The following PDZD8 variants were observed in gnomAD, a reference collection of about 807,000 sequenced individuals.
PDZD8 encodes the protein PDZ domain containing 8.
A neutral mutation model predicts 85.8 loss-of-function variants in PDZD8; 14 were observed. That is an observed-to-expected ratio of 0.16 (90% CI 0.11 to 0.26). The LOEUF (loss-of-function observed/expected upper bound fraction) is 0.26. PDZD8 is among the 10% of genes least tolerant of loss of function. The pLI, the probability that PDZD8 is intolerant of heterozygous loss-of-function variation, is 1.00. For missense variants in PDZD8, 1,197 were observed against 1,424.3 expected (o/e 0.84, Z 2.57); for synonymous variants, 592 against 568.6 (o/e 1.04, Z -0.59).
intron 2 of PDZD8, among the ~76,000 whole-genome samples, chr10:117,332,665 C>T (rs774093800): frequency 6.6e-6 from 1 of 151,706 alleles, no homozygotes; most frequent in Non-Finnish European, 1.5e-5. Flanking sequence ...TGCCACCACG[C>T]CTGGCTAAGT....
chr10:117,365,894 CAG>C (rs959344993), intron 1 of PDZD8, among the ~76,000 whole-genome samples: 1 of 152,248 alleles, frequency 6.6e-6, no homozygotes, highest in East Asian at 1.9e-4. Context: ...TCTGAGAAAA[CAG>C]AGAATATCAT....
chr10:117,362,356 A>G (rs1477785472), intron 1 of PDZD8, among the ~76,000 whole-genome samples: 2 of 152,164 alleles, frequency 1.3e-5, no homozygotes, highest in East Asian at 3.8e-4. Context: ...AGAACTTTTA[A>G]AACTTTAGAT....
At position 117,375,270 on chromosome 10, in the gene PDZD8, G is replaced by T. The variant is rs920314788; in HGVS notation, c.-43C>A. ...CCGGGCCCCTACTCCCGCGCCCACA[G>T]CGCCGCTTTCTTCACGCCGCCGCCC... is the stretch of plus-strand genomic sequence containing the variant. On this transcript the variant is annotated 5_prime_UTR_variant, in exon 1 of 5. The change creates a new upstream start codon in the 5' untranslated region. Coordinates refer to ENST00000334464, the MANE Select transcript of PDZD8 (RefSeq NM_173791.5). 1 of 1,417,434 alleles carries T rather than the reference G, an allele frequency of 7.1e-7. No homozygotes were observed. The highest frequency in any genetic ancestry group is 1.5e-5 in the African/African-American group (1 of 67,474). 87.8% of individuals were successfully genotyped at this position (1,417,434 alleles called of 1,614,324 possible).
chr10:117,348,394 T>C (rs1844744801), intron 1 of PDZD8, among the ~76,000 whole-genome samples: 1 of 152,168 alleles, frequency 6.6e-6, no homozygotes, highest in South Asian at 2.1e-4. Flanking sequence ...ACACTGTACA[T>C]AAGGAAACAG....
intron 1 of PDZD8, among the ~76,000 whole-genome samples, chr10:117,348,518 C>T (rs1003093663): frequency 1.3e-5 from 2 of 152,122 alleles, no homozygotes; most frequent in Non-Finnish European, 2.9e-5. Flanking sequence ...GGCTGGAAGT[C>T]GAAGATCAGG....
intron 3 of PDZD8, among the ~76,000 whole-genome samples, chr10:117,296,121 A>G (rs1338359826): frequency 6.6e-6 from 1 of 152,046 alleles, no homozygotes; most frequent in Non-Finnish European, 1.5e-5. Flanking sequence ...AGTGAAATTA[A>G]GTCACAGACT....
intron 2 of PDZD8, among the ~76,000 whole-genome samples, chr10:117,337,038 G>A (rs1327109758): frequency 6.6e-6 from 1 of 151,250 alleles, no homozygotes; most frequent in African/African-American, 2.4e-5. Context: ...GCAGTGAGCC[G>A]AGATCATGCC....
At chr10:117,343,358 G>A (rs776336020) in intron 1 of PDZD8, among the ~76,000 whole-genome samples, 2 of 146,792 alleles carry the variant, frequency 1.4e-5, no homozygotes, top group Non-Finnish European at 2.9e-5. Flanking sequence ...AAAGCCCCCC[G>A]AGTTTCTCCC....
intron 2 of PDZD8, among the ~76,000 whole-genome samples, chr10:117,329,672 A>G (rs2803803): frequency 0.77 from 116,664 of 151,778 alleles, 45,513 homozygotes; most frequent in Non-Finnish European, 0.85. Flanking sequence ...ATGATGGGGC[A>G]TGGTGGCTCA....
rs363299 is a variant in PDZD8 at position 117,288,234 on chromosome 10, T to C, written c.1261+1952A>G. Among the ~76,000 whole-genome samples the C allele has an allele frequency of 9.1e-3, 1,382 of 152,268 alleles. 78 individuals are homozygous for C. Among genetic ancestry groups the C allele is most frequent in the Admixed American group, 0.082 (1,255 of 15,276 alleles). On this transcript the variant is annotated intron_variant, in intron 4 of 4. Coordinates refer to ENST00000334464, the MANE Select transcript of PDZD8 (RefSeq NM_173791.5). The stretch of plus-strand genomic sequence containing the variant: ...TCAATTATATACCCATATAAATGAA[T>C]CAAAGCGATATAAAAATGTTTTGAA...
rs1485977303 is a variant in PDZD8, at chr10:117,278,526, T to A, written c.*4742A>T. ...TGTTAGTGAACATTGTCAATTTATG[T>A]CATTTTGTTAAGAGATATGACTGGA... On this transcript the variant is annotated 3_prime_UTR_variant, in exon 5 of 5. Transcript: ENST00000334464. 6.6e-6 allele frequency: 1 copy of A among 152,204 alleles called. No individual in the cohort carries two copies. The highest frequency in any genetic ancestry group is 6.5e-5 in the Admixed American group (1 of 15,274). 9.4% of individuals were successfully genotyped at this position (152,204 alleles called of 1,614,324 possible).
chr10:117,365,900 A>G (rs184134844), intron 1 of PDZD8, among the ~76,000 whole-genome samples: 9 of 152,322 alleles, frequency 5.9e-5, no homozygotes, highest in Admixed American at 5.2e-4. Flanking sequence ...AAAACAGAGA[A>G]TATCATGGGA....
In PDZD8 at chr10:117,279,144, A is replaced by C. The variant is rs1284006197; in HGVS notation, c.*4124T>G. 6.6e-6 allele frequency: 1 copy of C among 152,242 alleles called. No homozygotes were observed. The highest frequency in any genetic ancestry group is 2.4e-5 in the African/African-American group (1 of 41,472). 9.4% of individuals were successfully genotyped at this position (152,242 alleles called of 1,614,324 possible). A position where few individuals can be genotyped will look rare whatever the true frequency, so the allele number is the denominator to read the frequency against. Reference sequence around the variant, plus strand: ...AAAACCTTCAGAACTGTTTTGGAGCAAAAGATAGCTTGTACTTGGGGAAAA... The same window carrying C: ...AAAACCTTCAGAACTGTTTTGGAGCCAAAGATAGCTTGTACTTGGGGAAAA... On this transcript the variant is annotated 3_prime_UTR_variant, in exon 5 of 5. Transcript: ENST00000334464.
intron 4 of PDZD8, among the ~76,000 whole-genome samples, chr10:117,287,718 C>G (rs575108573): frequency 2.0e-5 from 3 of 152,190 alleles, no homozygotes; most frequent in African/African-American, 7.2e-5. Context: ...CTTTTAACTG[C>G]AATCTCTCAC....
rs115691598 is a variant in PDZD8 at position 117,374,604 on chromosome 10, C to T, written c.624G>A (p.Val208=). 71 of 1,589,234 alleles carry T rather than the reference C, an allele frequency of 4.5e-5. No homozygotes were observed. In the African/African-American group the frequency reaches 9.2e-4, roughly 21 times the overall value. The change falls in exon 1 of 5, where the codon GTG becomes GTA. Residue 208 remains valine, a synonymous_variant. Coordinates refer to ENST00000334464, the MANE Select transcript of PDZD8 (RefSeq NM_173791.5). The surrounding 1 kb of genome is among the most constrained non-coding windows in gnomAD (Gnocchi z 7.8). ...AGGCGGACTTGCCGAAGACCAGGTC[C>T]ACGTCGATGGCCAGGTGGAAGCCCC... The part of the protein sequence containing the change: ...YNGGFHLAID[V]DLVFGKSAYL...
rs1844640710 is a variant in PDZD8, at chr10:117,285,224, A to G, written c.1509T>C (p.Ser503=). The G allele has an allele frequency of 1.2e-6, 2 of 1,614,066 alleles. No homozygotes were observed. Among genetic ancestry groups the G allele is most frequent in the Non-Finnish European group, 1.7e-6 (2 of 1,180,040 alleles). ...TGAACTCATTTTGTGCTCTGACATC[A>G]CTTGCCAAGTCTTCAAATTCAGAAT... The part of the protein sequence containing the change: ...ELDSEFEDLA[S]DVRAQNEFKD... Residue 503 remains serine (S), a synonymous_variant, in exon 5 of 5, where the codon AGT becomes AGC. Transcript: ENST00000334464.
chr10:117,341,734 A>T (rs571425129), intron 1 of PDZD8, among the ~76,000 whole-genome samples: 2 of 152,370 alleles, frequency 1.3e-5, no homozygotes, highest in South Asian at 2.1e-4. Context: ...TTAAATTTTT[A>T]AAAAATATTT....
At chr10:117,335,960 T>G (rs61865310) in intron 2 of PDZD8, among the ~76,000 whole-genome samples, 3,187 of 152,284 alleles carry the variant, frequency 0.021, 57 homozygotes, top group Non-Finnish European at 0.034. Context: ...AAGGATGAAC[T>G]AGAGTTGGAG....
At position 117,285,365 on chromosome 10, in the gene PDZD8, T is replaced by C; in HGVS notation, c.1368A>G (p.Ala456=). Residue 456 remains alanine, a synonymous_variant, in exon 5 of 5, where the codon GCA becomes GCG. Transcript: ENST00000334464. ...ACTGGCCAAAGTTATCTTGCAGCAC[T>C]GCACCTTGATTACTCTGGCCAACAG... The part of the protein sequence containing the change: ...ERPVGQSNQG[A]VLQDNFGQLE... The C allele has an allele frequency of 6.2e-7, 1 of 1,614,196 alleles. No homozygotes were observed. The highest frequency in any genetic ancestry group is 8.5e-7 in the Non-Finnish European group (1 of 1,180,034).
Sources: gnomAD v4.1 joint callset for allele counts (sites outside exome capture counted in the v4.1 genomes callset) on GRCh38, gnomAD v4.1.1 for gene constraint, Gnocchi (gnomAD v3.1) non-coding constraint, MANE v1.5 for transcripts, NCBI Gene and HGNC (gene_info 2026-07-23, HGNC 2026-07-21) for gene names.